STAC3: variants seen among roughly 807,000 people sequenced by gnomAD.
The protein encoded by STAC3 is SH3 and cysteine-rich domain-containing protein 3.
STAC3 carries 30 observed loss-of-function variants against 48.5 expected under a neutral mutation model. That is an observed-to-expected ratio of 0.62 (90% confidence interval 0.46 to 0.84). The LOEUF is 0.84. Among genes scored for constraint, STAC3 ranks in the 40% least tolerant of loss-of-function variants. The probability of loss-of-function intolerance (pLI) is 0.00; values close to 1 mark genes in which losing one functional copy is unlikely to be tolerated. For synonymous variants in STAC3, 144 were observed against 158.6 expected (o/e 0.91, Z 0.69); for missense variants, 419 against 462.6 (o/e 0.91, Z 0.86).
rs1345280395 is a variant in STAC3, at chr12:57,243,672, C to T, written c.*140G>A. 2.5e-6 allele frequency: 2 copies of T among 806,674 alleles called. No homozygotes were observed. Among genetic ancestry groups the T allele is most frequent in the Non-Finnish European group, 4.2e-6 (2 of 472,598 alleles). 50.0% of individuals were successfully genotyped at this position (806,674 alleles called of 1,614,324 possible). ...AAGGGGGCGAGAACCAGTCCCTTCCCGGAAGCCCCGTCGCGCTCAGGCGGG... is the reference window on the plus strand; with the variant it reads ...AAGGGGGCGAGAACCAGTCCCTTCCTGGAAGCCCCGTCGCGCTCAGGCGGG... On this transcript the variant is annotated 3_prime_UTR_variant, in exon 12 of 12. Coordinates refer to ENST00000332782, the MANE Select transcript of STAC3 (RefSeq NM_145064.3).
In STAC3 at chr12:57,243,566, TCCAGC is replaced by T. The variant is rs1321251073; in HGVS notation, c.*241_*245del. On this transcript the variant is annotated 3_prime_UTR_variant, in exon 12 of 12. Transcript: ENST00000332782. ...TCCTCCTAGTAGATACGCGTTTTTTTCCAGCTCTTGCAAGCGGGGCCTGAAAGGTT... is the reference window on the plus strand; with the variant it reads ...TCCTCCTAGTAGATACGCGTTTTTTTTCTTGCAAGCGGGGCCTGAAAGGTT... 1 of 591,654 alleles carries T rather than the reference TCCAGC, an allele frequency of 1.7e-6. No individual in the cohort carries two copies. Among genetic ancestry groups the T allele is most frequent in the Admixed American group, 2.2e-5 (1 of 46,270 alleles). 36.7% of individuals were successfully genotyped at this position (591,654 alleles called of 1,614,324 possible).
Position 57,243,823 on chromosome 12 carries a change from C to T in STAC3, c.1084G>A (p.Glu362Lys). ...KVGLFPTDFL[E>K]EI ...AGGCGCCCGCACGCCTAAATTTCCT[C>T]TAGAAAGTCGGTGGGAAACAGCCCC... The change falls in exon 12 of 12, where the codon GAG becomes AAG. Residue 362 changes from glutamate to lysine, a missense_variant. Transcript: ENST00000332782. The T allele has an allele frequency of 1.2e-6, 2 of 1,614,044 alleles. No homozygotes were observed. The highest frequency in any genetic ancestry group is 2.2e-5 in the East Asian group (1 of 44,870).
rs1204023503 is a variant in STAC3, at chr12:57,248,983, C to T, written c.334+58G>A. 3.2e-6 allele frequency: 5 copies of T among 1,562,412 alleles called. No homozygotes were observed. The African/African-American group carries it at 6.8e-5, about 21-fold the overall frequency. ...GCTACAAATACTCCTCTCCTATGCC[C>T]TCTCCCCAAACCTCTGCCTTCAATA... On this transcript the variant is annotated intron_variant, in intron 3 of 11. Transcript: ENST00000332782.
intron 5 of STAC3, among the ~76,000 whole-genome samples, chr12:57,247,426 T>TTTG (rs2037774177): frequency 2.4e-5 from 1 of 41,676 alleles, no homozygotes; most frequent in Non-Finnish European, 4.9e-5. Flanking sequence ...ATTATTATTA[T>TTTG]TATTTTTTTT....
intron 1 of STAC3, 92 bp from the exon 2 acceptor site, chr12:57,249,729 G>A (rs2037856274): frequency 5.9e-6 from 8 of 1,346,468 alleles, no homozygotes; most frequent in Non-Finnish European, 8.4e-6. Context: ...TCAAAGGGGA[G>A]GCTTTCGGAG....
intron 1 of STAC3, 161 bp from the exon 2 acceptor site, chr12:57,249,798 C>A: frequency 1.4e-6 from 1 of 721,452 alleles, no homozygotes; most frequent in Non-Finnish European, 2.3e-6. Context: ...CTCTGTCACC[C>A]AGGCTGGAGT....
In STAC3 at chr12:57,249,156, C is replaced by G; in HGVS notation, c.219G>C (p.Glu73Asp). 1.2e-6 allele frequency: 2 copies of G among 1,613,998 alleles called. No homozygotes were observed. Among genetic ancestry groups the G allele is most frequent in the Non-Finnish European group, 1.7e-6 (2 of 1,179,994 alleles). ...IYEEEEEEEEEEEEPPPEPPK... is the reference protein window; with the variant it reads ...IYEEEEEEEEDEEEPPPEPPK... ...GAGGTTCTGGGGGTGGCTCCTCCTC[C>G]TCCTCTTCTTCCTCTTCCTCTTCCT... Residue 73 changes from glutamate (E) to aspartate (D), a missense_variant, in exon 3 of 12, where the codon GAG (glutamate) becomes GAC (aspartate). By Grantham distance (45) the Glu-to-Asp change is conservative (BLOSUM62 2). Coordinates refer to ENST00000332782, the MANE Select transcript of STAC3 (RefSeq NM_145064.3).
chr12:57,246,271 C>A (rs1432780414), intron 6 of STAC3, among the ~76,000 whole-genome samples: 1 of 152,128 alleles, frequency 6.6e-6, no homozygotes, highest in Admixed American at 6.6e-5. Flanking sequence ...CTGTGTCCAA[C>A]CTCCATATCA....
At position 57,249,765 on chromosome 12, in the gene STAC3, G is replaced by T. The variant is rs548807002; in HGVS notation, c.-1-128C>A. ...AAATGTGATGAGAGATTTTGCTGTT[G>T]TTACTGTTGAGATGGGGTCTCACTC... is the stretch of plus-strand genomic sequence containing the variant. On this transcript the variant is annotated intron_variant, in intron 1 of 11. Transcript: ENST00000332782. The T allele has an allele frequency of 2.0e-3, 1,972 of 1,005,892 alleles. 2 individuals carry two copies. Among genetic ancestry groups the T allele is most frequent in the Non-Finnish European group, 2.7e-3 (1,809 of 679,408 alleles). 62.3% of individuals were successfully genotyped at this position (1,005,892 alleles called of 1,614,324 possible).
rs2037835501 is a variant in STAC3 at position 57,249,072 on chromosome 12, C to T, written c.303G>A (p.Lys101=). ...KFKDHFFKKP[K]FCDVCARMIV... is the part of the protein sequence containing the mutation. ...TCATCCGGGCACAGACATCACAGAA[C>T]TTTGGCTTCTTGAAGAAGTGATCTT... Residue 101 remains lysine, a synonymous_variant, in exon 3 of 12, where the codon AAG becomes AAA. Transcript: ENST00000332782. 3.1e-6 allele frequency: 5 copies of T among 1,606,824 alleles called. No individual in the cohort carries two copies. Among genetic ancestry groups the T allele is most frequent in the Non-Finnish European group, 4.3e-6 (5 of 1,176,096 alleles).
rs1167889514 is a variant in STAC3 at position 57,243,541 on chromosome 12, T to G, written c.*271A>C. Reference sequence around the variant, plus strand: ...CCCGCCCCCCGCCCCAGTCCCTGGCTCCTCCTAGTAGATACGCGTTTTTTT... The same window carrying G: ...CCCGCCCCCCGCCCCAGTCCCTGGCGCCTCCTAGTAGATACGCGTTTTTTT... On this transcript the variant is annotated 3_prime_UTR_variant, in exon 12 of 12. Transcript: ENST00000332782. The G allele has an allele frequency of 4.8e-6, 2 of 420,208 alleles. No homozygotes were observed. The highest frequency in any genetic ancestry group is 8.1e-5 in the East Asian group (1 of 12,286). 26.0% of individuals were successfully genotyped at this position (420,208 alleles called of 1,614,324 possible).
rs373822040 is a variant in STAC3 at position 57,249,647 on chromosome 12, G to A, written c.-1-10C>T. 54 of 1,613,696 alleles carry A rather than the reference G, an allele frequency of 3.3e-5. No individual in the cohort carries two copies. In the African/African-American group the frequency reaches 5.2e-4, roughly 16 times the overall value. ...CTCCTTTTCTGTCATCCTGCAAGAG[G>A]TTGGACCCCACTATGAAATCTAATC... On this transcript the variant is annotated splice_polypyrimidine_tract_variant and intron_variant, in intron 1 of 11. Transcript: ENST00000332782.
Position 57,249,253 on chromosome 12 carries a change from T to A in STAC3, c.122A>T (p.Glu41Val), listed in dbSNP as rs756235395. Residue 41 changes from glutamate (E) to valine (V), a missense_variant, in exon 3 of 12, where the codon GAA (glutamate) becomes GTA (valine). Physicochemically the swap from Glu to Val is moderately radical, Grantham distance 121. Transcript: ENST00000332782. The stretch of plus-strand genomic sequence containing the variant: ...ATTGGCCTGGGGCTCTGGGGGAAGT[T>A]CCATCTCCTTTGTCCCTGTAGAACC... ...RKGSTGTKEM[E>V]LPPEPQANGE... 20 of 1,613,762 alleles carry A rather than the reference T, an allele frequency of 1.2e-5. No homozygotes were observed. The highest frequency in any genetic ancestry group is 1.7e-5 in the Non-Finnish European group (20 of 1,179,856).
chr12:57,247,437 T>A (rs868047301), intron 5 of STAC3, among the ~76,000 whole-genome samples: 1,600 of 127,978 alleles, frequency 0.013, 12 homozygotes, highest in African/African-American at 0.027. Context: ...TATTTTTTTT[T>A]TTTTTTTTTT....
At position 57,243,827 on chromosome 12, in the gene STAC3, A is replaced by T. The variant is rs1242641835; in HGVS notation, c.1080T>A (p.Phe360Leu). 1 of 1,614,006 alleles carries T rather than the reference A, an allele frequency of 6.2e-7. No individual in the cohort carries two copies. The highest frequency in any genetic ancestry group is 8.5e-7 in the Non-Finnish European group (1 of 1,179,996). ...GRKVGLFPTDFLEEI is the reference protein window; with the variant it reads ...GRKVGLFPTDLLEEI ...GCCCGCACGCCTAAATTTCCTCTAG[A>T]AAGTCGGTGGGAAACAGCCCCACCT... The change falls in exon 12 of 12, where the codon TTT becomes TTA. Residue 360 changes from phenylalanine (F) to leucine (L), a missense_variant. Transcript: ENST00000332782.
At chr12:57,247,597 G>C (rs970806312) in intron 5 of STAC3, among the ~76,000 whole-genome samples, 4 of 151,822 alleles carry the variant, frequency 2.6e-5, no homozygotes, top group Non-Finnish European at 5.9e-5. Flanking sequence ...ACCACGCCCG[G>C]CTAATTTTTG....
Position 57,244,369 on chromosome 12 carries a change from G to A in STAC3, c.807-3C>T. 1 of 1,614,104 alleles carries A rather than the reference G, an allele frequency of 6.2e-7. No individual in the cohort carries two copies. Among genetic ancestry groups the A allele is most frequent in the Non-Finnish European group, 8.5e-7 (1 of 1,180,032 alleles). ...TGACTGTGATCTTCTCTCCTGGCCT[G>A]GGAGGGGAAGGGAGGGGCCTCACTC... On this transcript the variant is annotated splice_polypyrimidine_tract_variant and splice_region_variant and intron_variant, in intron 9 of 11. Transcript: ENST00000332782.
intron 6 of STAC3, among the ~76,000 whole-genome samples, chr12:57,245,412 C>A (rs1288380075): frequency 1.3e-5 from 2 of 151,132 alleles, no homozygotes; most frequent in East Asian, 3.9e-4. Context: ...CCCTCCGTCA[C>A]CCAGGCTGGA....
Position 57,248,185 on chromosome 12 carries a change from TGGAA to T in STAC3, c.442_445del (p.Phe148IlefsTer37). The T allele has an allele frequency of 6.2e-7, 1 of 1,613,946 alleles. No individual in the cohort carries two copies. The highest frequency in any genetic ancestry group is 1.1e-5 in the South Asian group (1 of 91,082). The stretch of plus-strand genomic sequence containing the variant: ...GTAGAGTGGGGAACTATAGGCCCGA[TGGAA>T]ACCAGGTGGCTGTAGGATGGGATGA... On this transcript the variant is annotated frameshift_variant, in exon 5 of 12. Transcript: ENST00000332782. LOFTEE classifies it high-confidence loss of function.
Sources: allele counts gnomAD v4.1 joint callset (sites outside exome capture counted in the v4.1 genomes callset), GRCh38; gene constraint gnomAD v4.1.1; transcripts MANE v1.5; gene names NCBI Gene and HGNC (gene_info 2026-07-23, HGNC 2026-07-21).